The following ARIH1 variants were observed in gnomAD, a reference collection of about 807,000 sequenced individuals.
The protein encoded by ARIH1 is ariadne RBR E3 ubiquitin protein ligase 1, also known as E3 ubiquitin-protein ligase ARIH1.
ARIH1 carries 8 observed loss-of-function variants against 85.0 expected under a neutral mutation model. That is an observed-to-expected ratio of 0.09 (90% CI 0.06 to 0.17). ARIH1 has a LOEUF of 0.17. ARIH1 is among the 10% of genes least tolerant of loss of function. The pLI is 1.00. For synonymous variants in ARIH1, 238 were observed against 253.6 expected, an observed-to-expected ratio of 0.94 and a Z score of 0.59; for missense variants, 311 against 718.1, an observed-to-expected ratio of 0.43 and a Z score of 6.48.
intron 13 of ARIH1, 109 bp from the exon 14 acceptor site, chr15:72,583,099 G>T (rs2064300996): frequency 2.6e-6 from 2 of 765,758 alleles, no homozygotes; most frequent in South Asian, 1.8e-5. Flanking sequence ...ATAGGTGCTT[G>T]GTTCCGAGTC....
At chr15:72,570,547 T>G (rs1479078773) in intron 10 of ARIH1, among the ~76,000 whole-genome samples, 1 of 152,180 alleles carries the variant, frequency 6.6e-6, no homozygotes, top group African/African-American at 2.4e-5. Flanking sequence ...ATAAAAGTAG[T>G]AGGAAAAACA....
At position 72,596,937 on chromosome 15, in the gene ARIH1, T is replaced by C. The variant is rs1428874445; in HGVS notation, c.*13645T>C. On this transcript the variant is annotated 3_prime_UTR_variant, in exon 14 of 14. Coordinates refer to ENST00000379887, the MANE Select transcript of ARIH1 (RefSeq NM_005744.5). The stretch of plus-strand genomic sequence containing the variant: ...TTTAATCAGTTATTTTATTGGGTTT[T>C]TTCTGTTTTTTCTTTCATTTTTAAT... The C allele has an allele frequency of 1.3e-5, 2 of 152,142 alleles. No individual in the cohort carries two copies. Among genetic ancestry groups the C allele is most frequent in the Non-Finnish European group, 2.9e-5 (2 of 68,018 alleles). The allele number at this position is 152,142 out of a possible 1,614,324, so 9.4% of individuals were successfully genotyped here.
intron 11 of ARIH1, among the ~76,000 whole-genome samples, chr15:72,578,876 G>A (rs2064283639): frequency 6.7e-6 from 1 of 149,240 alleles, no homozygotes; most frequent in South Asian, 2.1e-4. Context: ...GAGTGCAGTG[G>A]TGCAACTCGG....
At chr15:72,564,627 C>G (rs964962080) in intron 7 of ARIH1, among the ~76,000 whole-genome samples, 2 of 152,176 alleles carry the variant, frequency 1.3e-5, no homozygotes, top group African/African-American at 4.8e-5. Context: ...TTCTTGGTAC[C>G]ATTTTCTGTC....
chr15:72,538,275 A>T (rs1043604277), intron 2 of ARIH1, among the ~76,000 whole-genome samples: 1 of 152,138 alleles, frequency 6.6e-6, no homozygotes, highest in African/African-American at 2.4e-5. Flanking sequence ...GAGGCACAAG[A>T]AATGTTTGAA....
chr15:72,532,625 C>G (rs1238991821), intron 2 of ARIH1, among the ~76,000 whole-genome samples: 2 of 152,078 alleles, frequency 1.3e-5, no homozygotes, highest in African/African-American at 2.4e-5. Context: ...GTCTTATGTA[C>G]ATAGATACAA....
chr15:72,517,610 G>A (rs145550447), intron 1 of ARIH1, among the ~76,000 whole-genome samples: 51 of 151,908 alleles, frequency 3.4e-4, no homozygotes, highest in African/African-American at 1.2e-3. Context: ...TTTTTATTAG[G>A]GACGGGTTTT....
intron 1 of ARIH1, among the ~76,000 whole-genome samples, chr15:72,495,420 A>G (rs1339759342): frequency 6.6e-6 from 1 of 152,208 alleles, no homozygotes; most frequent in Non-Finnish European, 1.5e-5. Flanking sequence ...TTTGTCCAAT[A>G]CGTCTTTTAT....
At position 72,590,479 on chromosome 15, in the gene ARIH1, G is replaced by A. The variant is rs1036646217; in HGVS notation, c.*7187G>A. Reference sequence around the variant, plus strand: ...TTTCTCACATTTGAGAGTCACTCTAGCATTTTAATGAGTTAAGCAAGCCAG... The same window carrying A: ...TTTCTCACATTTGAGAGTCACTCTAACATTTTAATGAGTTAAGCAAGCCAG... On this transcript the variant is annotated 3_prime_UTR_variant, in exon 14 of 14. Coordinates refer to ENST00000379887, the MANE Select transcript of ARIH1 (RefSeq NM_005744.5). 6.6e-6 allele frequency: 1 copy of A among 152,208 alleles called. No individual in the cohort carries two copies. Among genetic ancestry groups the A allele is most frequent in the Non-Finnish European group, 1.5e-5 (1 of 68,070 alleles). 9.4% of individuals were successfully genotyped at this position (152,208 alleles called of 1,614,324 possible).
chr15:72,519,766 G>C (rs541194213), intron 2 of ARIH1, among the ~76,000 whole-genome samples: 1 of 152,196 alleles, frequency 6.6e-6, no homozygotes, highest in South Asian at 2.1e-4. Flanking sequence ...TTACAGTTGT[G>C]AGCCACTGTG....
rs184389146 is a variant in ARIH1, at chr15:72,484,592, A to C, written c.375+9578A>C. Among the ~76,000 whole-genome samples the C allele has an allele frequency of 5.9e-5, 9 of 152,006 alleles. No homozygotes were observed. The East Asian group carries it at 1.7e-3, about 29-fold the overall frequency. On this transcript the variant is annotated intron_variant, in intron 1 of 13. Coordinates refer to ENST00000379887, the MANE Select transcript of ARIH1 (RefSeq NM_005744.5). ...TCCCATCCAGGTTGATGCAAATGCC[A>C]TTAACTCATTCCCTTTTATGGCTGA...
At chr15:72,521,210 C>A (rs77929096) in intron 2 of ARIH1, among the ~76,000 whole-genome samples, 5 of 135,356 alleles carry the variant, frequency 3.7e-5, no homozygotes, top group African/African-American at 1.1e-4. Context: ...CCCCCCCCCC[C>A]CCCTTTTCTG....
intron 2 of ARIH1, among the ~76,000 whole-genome samples, chr15:72,528,918 C>T (rs1038043571): frequency 2.0e-5 from 3 of 152,166 alleles, no homozygotes; most frequent in South Asian, 4.1e-4. Flanking sequence ...GGCAAATGTA[C>T]GGCTGGGTGT....
intron 1 of ARIH1, among the ~76,000 whole-genome samples, chr15:72,478,407 G>C (rs527860704): frequency 2.6e-4 from 40 of 152,276 alleles, no homozygotes; most frequent in Non-Finnish European, 5.4e-4. Flanking sequence ...TTGAGCCACC[G>C]CGCCCAGCCT....
intron 9 of ARIH1, among the ~76,000 whole-genome samples, chr15:72,569,556 A>G (rs2064234726): frequency 6.6e-6 from 1 of 152,142 alleles, no homozygotes; most frequent in Non-Finnish European, 1.5e-5. Context: ...GCTTCTTTAT[A>G]ATTTTTCTCT....
At chr15:72,504,847 G>T (rs2063918238) in intron 1 of ARIH1, among the ~76,000 whole-genome samples, 1 of 152,040 alleles carries the variant, frequency 6.6e-6, no homozygotes, top group Non-Finnish European at 1.5e-5. Flanking sequence ...GATATATAAA[G>T]AAGTTATTCT....
chr15:72,575,888 G>A (rs2140438111), intron 11 of ARIH1, among the ~76,000 whole-genome samples: 1 of 152,244 alleles, frequency 6.6e-6, no homozygotes, highest in East Asian at 1.9e-4. Flanking sequence ...TCATTGAGAT[G>A]AGGGTCTCGC....
intron 1 of ARIH1, among the ~76,000 whole-genome samples, chr15:72,494,379 G>A (rs2063871375): frequency 6.6e-6 from 1 of 152,160 alleles, no homozygotes; most frequent in Admixed American, 6.5e-5. Flanking sequence ...GCTGAATTTT[G>A]AAAAATGAAT....
chr15:72,552,769 G>A (rs1369619538), intron 3 of ARIH1, among the ~76,000 whole-genome samples: 1 of 150,818 alleles, frequency 6.6e-6, no homozygotes, highest in East Asian at 1.9e-4. Context: ...TGGGAATGAG[G>A]GAGGCCTGTT....
Sources: allele counts gnomAD v4.1 joint callset (sites outside exome capture counted in the v4.1 genomes callset), GRCh38; gene constraint gnomAD v4.1.1; transcripts MANE v1.5; gene names NCBI Gene and HGNC (gene_info 2026-07-23, HGNC 2026-07-21).